The following ASTN2 variants were observed in gnomAD, a reference collection of about 807,000 sequenced individuals.
The protein encoded by ASTN2 is astrotactin 2, also known as astrotactin-2.
ASTN2 carries 54 observed loss-of-function variants against 139.8 expected under a neutral mutation model. The ratio of observed to expected loss-of-function variants is 0.39; its 90% CI spans 0.31 to 0.48. The LOEUF is 0.48. Among genes scored for constraint, ASTN2 ranks in the 20% least tolerant of loss-of-function variants. ASTN2 has a pLI of 0.95. For synonymous variants in ASTN2, 756 were observed against 719.5 expected (o/e 1.05, Z -0.81); for missense variants, 1,565 against 1,725.1 (o/e 0.91, Z 1.64).
chr9:117,041,696 G>A (rs1057131158), intron 5 of ASTN2, among the ~76,000 whole-genome samples: 1 of 152,164 alleles, frequency 6.6e-6, no homozygotes, highest in Non-Finnish European at 1.5e-5. Flanking sequence ...TGGCATCCAA[G>A]GCCTTTCATG....
intron 1 of ASTN2, among the ~76,000 whole-genome samples, chr9:117,303,267 T>C (rs1834919963): frequency 6.6e-6 from 1 of 152,182 alleles, no homozygotes; most frequent in African/African-American, 2.4e-5. Flanking sequence ...TGACAAATAT[T>C]GACTGATACA....
chr9:116,852,903 AC>A (rs1832648530), intron 11 of ASTN2, among the ~76,000 whole-genome samples: 1 of 151,480 alleles, frequency 6.6e-6, no homozygotes, highest in Non-Finnish European at 1.5e-5. Flanking sequence ...ACACACACAC[AC>A]ACACACACAC....
At chr9:116,534,804 G>A (rs1371045812) in intron 19 of ASTN2, among the ~76,000 whole-genome samples, 1 of 152,200 alleles carries the variant, frequency 6.6e-6, no homozygotes, top group Non-Finnish European at 1.5e-5. Context: ...TTTGGAATAA[G>A]TGCGATGTGG....
intron 19 of ASTN2, among the ~76,000 whole-genome samples, chr9:116,565,405 A>ATT (rs1853166748): frequency 4.1e-5 from 4 of 97,882 alleles, no homozygotes; most frequent in African/African-American, 1.2e-4. Flanking sequence ...ATATATATAT[A>ATT]TATATATATA....
chr9:117,239,557 T>C (rs16934422), intron 2 of ASTN2, among the ~76,000 whole-genome samples: 9,703 of 152,296 alleles, frequency 0.064, 414 homozygotes, highest in East Asian at 0.15. Context: ...AACATTTGCA[T>C]GGTGTTTACT....
chr9:117,150,510 T>C (rs1268530364), intron 3 of ASTN2, among the ~76,000 whole-genome samples: 2 of 152,174 alleles, frequency 1.3e-5, no homozygotes, highest in Non-Finnish European at 2.9e-5. Context: ...TTGATAGCAA[T>C]GTGCAGGAAG....
At chr9:117,121,644 T>C (rs968794051) in intron 4 of ASTN2, among the ~76,000 whole-genome samples, 14 of 152,206 alleles carry the variant, frequency 9.2e-5, no homozygotes, top group African/African-American at 3.4e-4. Context: ...TATGACCCAG[T>C]GGACCTTGTA....
chr9:116,773,552 G>A (rs944001942), intron 13 of ASTN2, among the ~76,000 whole-genome samples: 3 of 152,086 alleles, frequency 2.0e-5, no homozygotes, highest in Admixed American at 6.6e-5. Flanking sequence ...TTAAAAAGTT[G>A]CAATAAACAC....
chr9:116,676,358 G>A (rs772742107), intron 16 of ASTN2, among the ~76,000 whole-genome samples: 1 of 152,176 alleles, frequency 6.6e-6, no homozygotes, highest in Admixed American at 6.5e-5. Context: ...TTTGTGCTAA[G>A]AATTTGTCTT....
chr9:117,079,043 A>G (rs1828353952), intron 5 of ASTN2, among the ~76,000 whole-genome samples: 1 of 152,110 alleles, frequency 6.6e-6, no homozygotes, highest in African/African-American at 2.4e-5. Context: ...GCCATCAACT[A>G]TGGTTGCTCC....
At chr9:116,513,132 C>T (rs909016100) in intron 19 of ASTN2, among the ~76,000 whole-genome samples, 4 of 152,158 alleles carry the variant, frequency 2.6e-5, no homozygotes, top group Non-Finnish European at 5.9e-5. Flanking sequence ...TTTGTAGTGG[C>T]TGGTACCAGC....
chr9:116,763,531 C>T (rs1231950540), intron 13 of ASTN2, among the ~76,000 whole-genome samples: 2 of 152,084 alleles, frequency 1.3e-5, no homozygotes, highest in African/African-American at 4.8e-5. Flanking sequence ...CAAGAGAATA[C>T]CTATGGAGGG....
intron 1 of ASTN2, among the ~76,000 whole-genome samples, chr9:117,314,208 C>T (rs1287108449): frequency 1.3e-5 from 2 of 152,186 alleles, no homozygotes; most frequent in African/African-American, 4.8e-5. Context: ...CAGGTAGACA[C>T]ACACAGAGTT....
intron 11 of ASTN2, among the ~76,000 whole-genome samples, chr9:116,854,092 T>C (rs1399293177): frequency 2.0e-5 from 3 of 152,208 alleles, no homozygotes; most frequent in Admixed American, 2.0e-4. Flanking sequence ...CTGAGTAGCT[T>C]TGTGGTCCTG....
chr9:116,552,462 T>C (rs958302481), intron 19 of ASTN2, among the ~76,000 whole-genome samples: 1 of 152,200 alleles, frequency 6.6e-6, no homozygotes, highest in Non-Finnish European at 1.5e-5. Context: ...CTTAGTAGGC[T>C]CAAGCTCTCA....
chr9:116,877,163 T>C (rs529179961), intron 10 of ASTN2, among the ~76,000 whole-genome samples: 18 of 152,286 alleles, frequency 1.2e-4, no homozygotes, highest in African/African-American at 4.3e-4. Flanking sequence ...CCCCAGCCAA[T>C]AGGGGAAGGA....
intron 2 of ASTN2, among the ~76,000 whole-genome samples, chr9:117,281,693 A>T (rs887489953): frequency 2.0e-5 from 3 of 151,570 alleles, no homozygotes; most frequent in African/African-American, 7.3e-5. Flanking sequence ...ACACGCCCTG[A>T]CTCTCTTGCC....
At chr9:117,320,020 CA>C (rs1828279709) in intron 1 of ASTN2, among the ~76,000 whole-genome samples, 2 of 152,156 alleles carry the variant, frequency 1.3e-5, no homozygotes, top group Admixed American at 1.3e-4. Context: ...TTGCCTCCTC[CA>C]AAAAATGAGG....
chr9:117,053,708 A>C (rs1169719053), intron 5 of ASTN2, among the ~76,000 whole-genome samples: 2 of 152,128 alleles, frequency 1.3e-5, no homozygotes, highest in Non-Finnish European at 2.9e-5. Context: ...GCGGGACCCA[A>C]GGTTCTTGCT....
Sources: allele counts gnomAD v4.1 joint callset (sites outside exome capture counted in the v4.1 genomes callset), GRCh38; gene constraint gnomAD v4.1.1; transcripts MANE v1.5; gene names NCBI Gene and HGNC (gene_info 2026-07-23, HGNC 2026-07-21).